APP: variants seen among roughly 807,000 people sequenced by gnomAD.
APP encodes amyloid beta precursor protein, also known as amyloid-beta precursor protein.
In APP, 31 loss-of-function variants were observed where a neutral mutation model predicts 101.4. The ratio of observed to expected loss-of-function variants is 0.31; its 90% CI spans 0.23 to 0.41. APP has a LOEUF of 0.41. Among genes scored for constraint, APP ranks in the 10% least tolerant of loss-of-function variants. APP has a pLI of 1.00. For synonymous variants in APP, 366 were observed against 364.4 expected (o/e 1.00, Z -0.05); for missense variants, 839 against 1,003.7 (o/e 0.84, Z 2.22).
At chr21:25,897,479 T>C in intron 16 of APP, 94 bp downstream of exon 16, 2 of 986,256 alleles carry the variant, frequency 2.0e-6, no homozygotes, top group East Asian at 2.4e-5. Context: ...TTTTATCTTT[T>C]CCTTAATTTG....
At chr21:26,109,276 T>C (rs2062256665) in intron 2 of APP, among the ~76,000 whole-genome samples, 1 of 152,208 alleles carries the variant, frequency 6.6e-6, no homozygotes, top group African/African-American at 2.4e-5. Context: ...ATTCCCAGTG[T>C]TGGAAGTGGG....
chr21:25,992,368 A>G (rs1568821636), intron 8 of APP, among the ~76,000 whole-genome samples: 1 of 149,122 alleles, frequency 6.7e-6, no homozygotes, highest in Non-Finnish European at 1.5e-5. Context: ...AGCCTGGGCA[A>G]CAGAGCGAGA....
chr21:25,924,812 A>T (rs2039813058), intron 13 of APP, among the ~76,000 whole-genome samples: 1 of 151,558 alleles, frequency 6.6e-6, no homozygotes, highest in Non-Finnish European at 1.5e-5. Flanking sequence ...TTTGGACACC[A>T]GTGAGAATAT....
intron 1 of APP, among the ~76,000 whole-genome samples, chr21:26,134,629 G>A (rs577802675): frequency 4.6e-5 from 7 of 152,264 alleles, no homozygotes; most frequent in East Asian, 1.9e-4. Context: ...CCCAGAACGC[G>A]GTCCTTCAGG....
At chr21:26,090,212 C>T in intron 2 of APP, 140 bp from the exon 3 acceptor site, 4 of 1,320,254 alleles carry the variant, frequency 3.0e-6, no homozygotes, top group Non-Finnish European at 4.2e-6. Flanking sequence ...CTTTCAAGGT[C>T]TCTGACTTTT....
At position 26,004,605 on chromosome 21, in the gene APP, T is replaced by G. The variant is rs372698301; in HGVS notation, c.866-4423A>C. Reference sequence around the variant, plus strand: ...CCGCGCCCGGCCTCTATTAATTCTTTCAACTGCATGTAAATCTACAATTGT... The same window carrying G: ...CCGCGCCCGGCCTCTATTAATTCTTGCAACTGCATGTAAATCTACAATTGT... On this transcript the variant is annotated intron_variant, in intron 6 of 17. Coordinates refer to ENST00000346798, the MANE Select transcript of APP (RefSeq NM_000484.4). 7.9e-5 allele frequency among the ~76,000 whole-genome samples: 12 copies of G among 152,318 alleles called. No individual in the cohort carries two copies. The South Asian group carries it at 2.5e-3, about 32-fold the overall frequency.
intron 13 of APP, among the ~76,000 whole-genome samples, chr21:25,949,698 G>A: frequency 6.6e-6 from 1 of 152,184 alleles, no homozygotes; most frequent in Admixed American, 6.5e-5. Flanking sequence ...AGAGTTCACA[G>A]GATGGAGGGT....
At chr21:26,023,747 T>C (rs1419025548) in intron 5 of APP, among the ~76,000 whole-genome samples, 2 of 152,168 alleles carry the variant, frequency 1.3e-5, no homozygotes, top group African/African-American at 4.8e-5. Context: ...CCTGTGGCAG[T>C]TTCTAATGCA....
intron 8 of APP, among the ~76,000 whole-genome samples, chr21:25,983,709 T>C (rs938295494): frequency 2.0e-5 from 3 of 152,180 alleles, no homozygotes; most frequent in Non-Finnish European, 4.4e-5. Flanking sequence ...TTTCAAAAAA[T>C]AAAAGCAGTT....
rs1173423327 is a variant in APP at position 25,881,632 on chromosome 21, T to C, written c.*38A>G. The C allele has an allele frequency of 6.3e-7, 1 of 1,588,644 alleles. No homozygotes were observed. Among genetic ancestry groups the C allele is most frequent in the African/African-American group, 1.3e-5 (1 of 74,326 alleles). On this transcript the variant is annotated 3_prime_UTR_variant, in exon 18 of 18. Transcript: ENST00000346798. The stretch of plus-strand genomic sequence containing the variant: ...ACACCGATGGGTAGTGAAGCAATGG[T>C]TTTGCTGTCCAACTTCAGAGGCTGC...
intron 2 of APP, among the ~76,000 whole-genome samples, chr21:26,098,227 C>T (rs1167731986): frequency 1.3e-5 from 2 of 149,884 alleles, no homozygotes; most frequent in East Asian, 3.9e-4. Flanking sequence ...AGCTTATCAT[C>T]GGTAGCCTAA....
intron 9 of APP, among the ~76,000 whole-genome samples, chr21:25,976,231 A>C (rs2042219264): frequency 6.6e-6 from 1 of 152,168 alleles, no homozygotes; most frequent in Admixed American, 6.5e-5. Flanking sequence ...ATTAAACATA[A>C]ATGTTCATAT....
At chr21:26,083,183 C>T (rs1337211058) in intron 3 of APP, among the ~76,000 whole-genome samples, 1 of 152,072 alleles carries the variant, frequency 6.6e-6, no homozygotes, top group East Asian at 1.9e-4. Flanking sequence ...AGGCATTCCG[C>T]CAATAACTGT....
chr21:25,934,316 G>A (rs947211140), intron 13 of APP: 2 of 152,134 alleles, frequency 1.3e-5, no homozygotes, highest in Non-Finnish European at 1.5e-5. Flanking sequence ...TCGGCCATGC[G>A]GTTTGTGGTA....
At chr21:25,927,169 G>A (rs555245479) in intron 13 of APP, among the ~76,000 whole-genome samples, 6 of 152,110 alleles carry the variant, frequency 3.9e-5, no homozygotes, top group Non-Finnish European at 7.4e-5. Flanking sequence ...CCAAGGTCAC[G>A]GAGATTCCTG....
At chr21:26,089,797 C>T in intron 3 of APP, 146 bp downstream of exon 3, 1 of 1,252,940 alleles carries the variant, frequency 8.0e-7, no homozygotes, top group Non-Finnish European at 1.1e-6. Flanking sequence ...CAGAATGTAA[C>T]TGCAAGAGTC....
chr21:25,984,662 TTGAAA>T (rs985410141), intron 8 of APP, among the ~76,000 whole-genome samples: 17 of 152,194 alleles, frequency 1.1e-4, no homozygotes, highest in Admixed American at 2.0e-4. Flanking sequence ...AGTTCCCAAC[TTGAAA>T]TGAACATGGT....
At chr21:26,122,537 C>T (rs1465285102) in intron 1 of APP, among the ~76,000 whole-genome samples, 2 of 152,114 alleles carry the variant, frequency 1.3e-5, no homozygotes, top group African/African-American at 4.8e-5. Flanking sequence ...TGACTTCCCA[C>T]CAGCATGAGG....
intron 5 of APP, among the ~76,000 whole-genome samples, chr21:26,045,943 C>T (rs562270390): frequency 3.0e-4 from 46 of 152,074 alleles, no homozygotes; most frequent in Non-Finnish European, 5.3e-4. Flanking sequence ...CTCACAATCA[C>T]GGTGGAAGGC....
Sources: allele counts gnomAD v4.1 joint callset (sites outside exome capture counted in the v4.1 genomes callset), GRCh38; gene constraint gnomAD v4.1.1; transcripts MANE v1.5; gene names NCBI Gene and HGNC (gene_info 2026-07-23, HGNC 2026-07-21).